GRK1: variants seen among roughly 807,000 people sequenced by gnomAD.
GRK1 encodes G protein-coupled receptor kinase 1, also known as rhodopsin kinase GRK1.
GRK1 carries 28 observed loss-of-function variants against 41.7 expected under a neutral mutation model. The observed-to-expected ratio is 0.67, with a 90% confidence interval of 0.50 to 0.92. The LOEUF (loss-of-function observed/expected upper bound fraction) is 0.92, where lower values mean the gene tolerates loss of function less well. Ranked by LOEUF, GRK1 falls within the 40% of genes least tolerant of loss-of-function variation. GRK1 has a pLI of 0.00. For missense variants in GRK1, 703 were observed against 671.2 expected (o/e 1.05, Z -0.52); for synonymous variants, 327 against 286.7 (o/e 1.14, Z -1.42).
In GRK1 at chr13:113,735,332, C is replaced by T. The variant is rs972297289; in HGVS notation, c.1661C>T (p.Ser554Leu). 7 of 1,522,564 alleles carry T rather than the reference C, an allele frequency of 4.6e-6. No homozygotes were observed. Among genetic ancestry groups the T allele is most frequent in the Middle Eastern group, 1.7e-4 (1 of 5,926 alleles). 94.3% of individuals were successfully genotyped at this position (1,522,564 alleles called of 1,614,324 possible). A position where few individuals can be genotyped will look rare whatever the true frequency, so the allele number is the denominator to read the frequency against. Reference protein sequence around the residue: ...MKGISGGSSSSSKSGMCLVS With the variant: ...MKGISGGSSSLSKSGMCLVS Reference sequence around the variant, plus strand: ...GGCATCTCCGGGGGCTCCAGCTCCTCGTCCAAGTCAGGGATGTGTCTGGTT... The same window carrying T: ...GGCATCTCCGGGGGCTCCAGCTCCTTGTCCAAGTCAGGGATGTGTCTGGTT... The change falls in exon 7 of 7, where the codon TCG (serine) becomes TTG (leucine). Residue 554 changes from serine to leucine, a missense_variant. Physicochemically the swap from Ser to Leu is moderately radical, Grantham distance 145. Coordinates refer to ENST00000335678, the MANE Select transcript of GRK1 (RefSeq NM_002929.3).
At position 113,669,737 on chromosome 13, in the gene GRK1, C is replaced by T. The variant is rs749878212; in HGVS notation, c.750C>T (p.Ile250=). The change falls in exon 2 of 7, where the codon ATC becomes ATT. Residue 250 remains isoleucine, a synonymous_variant. Transcript: ENST00000335678. The part of the protein sequence containing the change: ...KILMKVHSRF[I]VSLAYAFETK... Reference sequence around the variant, plus strand: ...TGATGAAAGTACACAGCAGGTTCATCGTGTCTCTGGCCTATGCGTTTGAAA... The same window carrying T: ...TGATGAAAGTACACAGCAGGTTCATTGTGTCTCTGGCCTATGCGTTTGAAA... The T allele has an allele frequency of 8.1e-6, 13 of 1,613,858 alleles. No homozygotes were observed. The highest frequency in any genetic ancestry group is 6.7e-5 in the East Asian group (3 of 44,894).
At chr13:113,653,426 A>G in the GRK1 span, 1 of 1,614,086 alleles carries the variant, frequency 6.2e-7, no homozygotes, top group African/African-American at 1.3e-5. Flanking sequence ...TCCGGCCTTA[A>G]GGTTACCCCT....
chr13:113,653,218 TGCTTCACACCTCACCCACCCGCC>T, the GRK1 span: 23,893 of 1,365,784 alleles, frequency 0.017, 621 homozygotes, highest in African/African-American at 0.031. Context: ...CCTCACCTGC[TGCTTCACACCTCACCCACCCGCC>T]GCTTCACACC....
At chr13:113,653,378 CGTT>C in the GRK1 span, 6 of 1,614,202 alleles carry the variant, frequency 3.7e-6, no homozygotes, top group Non-Finnish European at 4.2e-6. Flanking sequence ...TTATCAGAGA[CGTT>C]GTAGACAATT....
At chr13:113,724,573 T>C (rs965859014) in intron 4 of GRK1, among the ~76,000 whole-genome samples, 1 of 152,174 alleles carries the variant, frequency 6.6e-6, no homozygotes, top group Non-Finnish European at 1.5e-5. Flanking sequence ...GGCTAAGGAC[T>C]GTTTCCCCAA....
chr13:113,669,540 T>C (rs1368967051), intron 1 of GRK1, 147 bp from the exon 2 acceptor site: 4 of 900,726 alleles, frequency 4.4e-6, no homozygotes, highest in Non-Finnish European at 7.0e-6. Context: ...TCATTTGCAA[T>C]TGCTTTGTGA....
Position 113,731,209 on chromosome 13 carries a change from T to G in GRK1, c.1070-10T>G. 6.5e-7 allele frequency: 1 copy of G among 1,536,764 alleles called. No homozygotes were observed. The highest frequency in any genetic ancestry group is 1.7e-4 in the Middle Eastern group (1 of 5,982). On this transcript the variant is annotated splice_polypyrimidine_tract_variant and intron_variant, in intron 4 of 6. Transcript: ENST00000335678. The surrounding 1 kb of genome is among the most constrained non-coding windows in gnomAD (Gnocchi z 5.6). Reference sequence around the variant, plus strand: ...ACCACCTCTGAACCCGCAATGTCCCTTGCTGGCAGGTTTCATGGCCCCCGA... The same window carrying G: ...ACCACCTCTGAACCCGCAATGTCCCGTGCTGGCAGGTTTCATGGCCCCCGA...
Position 113,736,531 on chromosome 13 carries a change from T to A in GRK1, c.*1168T>A, listed in dbSNP as rs1293863579. ...TGCAGGAAGTTAGTTCTGTTGCAACTGCCTCCAGGACACACTCCCTCTTGA... is the reference window on the plus strand; with the variant it reads ...TGCAGGAAGTTAGTTCTGTTGCAACAGCCTCCAGGACACACTCCCTCTTGA... On this transcript the variant is annotated 3_prime_UTR_variant, in exon 7 of 7. Coordinates refer to ENST00000335678, the MANE Select transcript of GRK1 (RefSeq NM_002929.3). The A allele has an allele frequency of 1.3e-5, 2 of 152,220 alleles. No homozygotes were observed. The highest frequency in any genetic ancestry group is 2.4e-5 in the African/African-American group (1 of 41,470). 9.4% of individuals were successfully genotyped at this position (152,220 alleles called of 1,614,324 possible). A position where few individuals can be genotyped will look rare whatever the true frequency, so the allele number is the denominator to read the frequency against.
At chr13:113,733,242 C>G (rs2049950784) in intron 6 of GRK1, 157 bp downstream of exon 6, 1 of 240,258 alleles carries the variant, frequency 4.2e-6, no homozygotes, top group African/African-American at 2.3e-5. Flanking sequence ...GTCCTCCACT[C>G]ATCATCCCAG....
At chr13:113,658,000 C>T in the GRK1 span, 1 of 1,544,352 alleles carries the variant, frequency 6.5e-7, no homozygotes. Context: ...CGGCCCCCTC[C>T]ATGCACCCAG....
At chr13:113,650,540 G>T in the GRK1 span, 1 of 1,567,876 alleles carries the variant, frequency 6.4e-7, no homozygotes, top group Non-Finnish European at 8.7e-7. The surrounding 1 kb of genome is among the most constrained non-coding windows in gnomAD (Gnocchi z 5.0). Flanking sequence ...TGAGTCAGGC[G>T]GGAGCTGGTG....
chr13:113,653,343 C>G, the GRK1 span: 5 of 1,614,116 alleles, frequency 3.1e-6, no homozygotes, highest in Admixed American at 1.7e-5. Flanking sequence ...CGTGGAGAGT[C>G]TGTGTGAGGT....
the GRK1 span, chr13:113,651,683 G>C: frequency 1.9e-6 from 3 of 1,613,476 alleles, no homozygotes; most frequent in Non-Finnish European, 2.5e-6. Context: ...GGAAGGCGCA[G>C]TCCACTCTGG....
In GRK1 at chr13:113,667,887, C is replaced by T. The variant is rs761226228; in HGVS notation, c.501C>T (p.Gly167=). ...AAGCCCCCTTCCAGGAGTACCTGGG[C>T]AGCCTGTACTTCCTGAGGTTCCTGC... ...LGQAPFQEYL[G]SLYFLRFLQW... is the part of the protein sequence containing the mutation. Residue 167 remains glycine, a synonymous_variant, in exon 1 of 7, where the codon GGC becomes GGT. Coordinates refer to ENST00000335678, the MANE Select transcript of GRK1 (RefSeq NM_002929.3). This position sits in a 1 kb window ranked among gnomAD's most constrained non-coding sequence, Gnocchi z 7.5. 2 of 1,597,000 alleles carry T rather than the reference C, an allele frequency of 1.3e-6. No homozygotes were observed. Among genetic ancestry groups the T allele is most frequent in the Non-Finnish European group, 1.7e-6 (2 of 1,170,802 alleles).
rs9796035 is a variant in GRK1, at chr13:113,667,974, A to G, written c.588A>G (p.Leu196=). Residue 196 remains leucine (L), a synonymous_variant, in exon 1 of 7, where the codon CTA becomes CTG. Coordinates refer to ENST00000335678, the MANE Select transcript of GRK1 (RefSeq NM_002929.3). This position sits in a 1 kb window ranked among gnomAD's most constrained non-coding sequence, Gnocchi z 7.5. ...GEDWFLDFRV[L]GKGGFGEVSA... is the part of the protein sequence containing the mutation. ...ACTGGTTCCTGGACTTCAGGGTCCTAGGGAAAGGGGGCTTCGGGGAGGTGT... is the reference window on the plus strand; with the variant it reads ...ACTGGTTCCTGGACTTCAGGGTCCTGGGGAAAGGGGGCTTCGGGGAGGTGT... 1,074,991 of 1,609,356 alleles carry G rather than the reference A, an allele frequency of 0.67. 361,018 individuals carry two copies. Among genetic ancestry groups the G allele is most frequent in the African/African-American group, 0.83 (62,356 of 74,956 alleles).
chr13:113,731,138 A>T lies in GRK1; in HGVS notation c.1070-81A>T. On this transcript the variant is annotated intron_variant, in intron 4 of 6. Transcript: ENST00000335678. The surrounding 1 kb of genome is among the most constrained non-coding windows in gnomAD (Gnocchi z 5.6). Reference sequence around the variant, plus strand: ...GGCCCCGGGGGGGATGCATCCCCAGAGCATCAGTCCTGCGATTCCTGGAGT... The same window carrying T: ...GGCCCCGGGGGGGATGCATCCCCAGTGCATCAGTCCTGCGATTCCTGGAGT... The T allele has an allele frequency of 1.3e-6, 2 of 1,485,426 alleles. No homozygotes were observed. Among genetic ancestry groups the T allele is most frequent in the Non-Finnish European group, 1.8e-6 (2 of 1,114,532 alleles). 92.0% of individuals were successfully genotyped at this position (1,485,426 alleles called of 1,614,324 possible).
chr13:113,735,416 G>T lies in GRK1; in HGVS notation c.*53G>T. On this transcript the variant is annotated 3_prime_UTR_variant, in exon 7 of 7. Coordinates refer to ENST00000335678, the MANE Select transcript of GRK1 (RefSeq NM_002929.3). ...AAAGGACCCATACGGCTCGATGGGGGCCGCCTGCCTCCGTGGTGCCAGCCT... is the reference window on the plus strand; with the variant it reads ...AAAGGACCCATACGGCTCGATGGGGTCCGCCTGCCTCCGTGGTGCCAGCCT... 4.9e-6 allele frequency: 7 copies of T among 1,423,122 alleles called. No individual in the cohort carries two copies. The South Asian group carries it at 7.6e-5, about 15-fold the overall frequency. 88.2% of individuals were successfully genotyped at this position (1,423,122 alleles called of 1,614,324 possible).
intron 6 of GRK1, among the ~76,000 whole-genome samples, chr13:113,733,737 A>ATGTATGTGTATG (rs2049964677): frequency 1.1e-5 from 1 of 87,138 alleles, no homozygotes; most frequent in Non-Finnish European, 2.3e-5. Flanking sequence ...GCGCGTGTGT[A>ATGTATGTGTATG]TGTGTGCATA....
chr13:113,654,819 G>A, the GRK1 span: 1 of 1,613,916 alleles, frequency 6.2e-7, no homozygotes, highest in Non-Finnish European at 8.5e-7. Flanking sequence ...CTTACCTGGT[G>A]ACCGTAGCTG....
Sources: allele counts gnomAD v4.1 joint callset (sites outside exome capture counted in the v4.1 genomes callset), GRCh38; gene constraint gnomAD v4.1.1; non-coding constraint Gnocchi (gnomAD v3.1); transcripts MANE v1.5; gene names NCBI Gene and HGNC (gene_info 2026-07-23, HGNC 2026-07-21).